Variants in NCOA1 observed in about 807,000 individuals in gnomAD.
NCOA1 encodes nuclear receptor coactivator 1, also known as Hin-2 protein.
A neutral mutation model predicts 150.9 loss-of-function variants in NCOA1; 35 were observed. That is an observed-to-expected ratio of 0.23 (90% CI 0.18 to 0.31). The LOEUF (loss-of-function observed/expected upper bound fraction) is 0.31. NCOA1 is among the 10% of genes least tolerant of loss of function. The pLI is 1.00. For missense variants in NCOA1, 1,491 were observed against 1,749.3 expected, an observed-to-expected ratio of 0.85 and a Z score of 2.63; for synonymous variants, 590 against 630.0, an observed-to-expected ratio of 0.94 and a Z score of 0.95.
chr2:24,707,681 T>G lies in NCOA1; in HGVS notation c.2211T>G (p.Ala737=), dbSNP rs1367361110. Reference sequence around the variant, plus strand: ...CCAGTATAAAACTAGAACTGGATGCTTCAAAGAAAAAAGAATCAAAAGACC... The same window carrying G: ...CCAGTATAAAACTAGAACTGGATGCGTCAAAGAAAAAAGAATCAAAAGACC... ...GNSSIKLELD[A]SKKKESKDHQ... is the part of the protein sequence containing the mutation. The change falls in exon 13 of 23, where the codon GCT becomes GCG. Residue 737 remains alanine (A), a synonymous_variant. Coordinates refer to ENST00000348332, the MANE Select transcript of NCOA1 (RefSeq NM_003743.5). The G allele has an allele frequency of 6.2e-7, 1 of 1,614,024 alleles. No homozygotes were observed.
At chr2:24,644,576 T>C (rs1670376058) in intron 4 of NCOA1, among the ~76,000 whole-genome samples, 1 of 152,160 alleles carries the variant, frequency 6.6e-6, no homozygotes, top group South Asian at 2.1e-4. Context: ...GTAGTGTCCA[T>C]ATGGGCATTT....
At chr2:24,767,862 T>C (rs1665146865) in intron 22 of NCOA1, 1 of 489,642 alleles carries the variant, frequency 2.0e-6, no homozygotes, top group Admixed American at 3.6e-5. Flanking sequence ...TTTAAACCAG[T>C]TTTCTAAATA....
chr2:24,665,985 T>TTTA (rs142101398), intron 6 of NCOA1, 70 bp downstream of exon 6: 15,901 of 792,276 alleles, frequency 0.02, 275 homozygotes, highest in Non-Finnish European at 0.022. Context: ...GTGATTTTAC[T>TTTA]TTATTATTAT....
intron 6 of NCOA1, among the ~76,000 whole-genome samples, chr2:24,666,632 A>C (rs1572563999): frequency 8.2e-6 from 1 of 122,322 alleles, no homozygotes. Flanking sequence ...CTCTGAAAAA[A>C]CCCGGATTTT....
chr2:24,511,427 C>G (rs1361166763), intron 1 of NCOA1, among the ~76,000 whole-genome samples: 5 of 152,202 alleles, frequency 3.3e-5, no homozygotes, highest in Non-Finnish European at 7.3e-5. Flanking sequence ...TCTCCACATT[C>G]TCCAGTGAAG....
intron 7 of NCOA1, chr2:24,676,424 C>T (rs1238246816): frequency 6.6e-6 from 1 of 152,286 alleles, no homozygotes; most frequent in East Asian, 1.9e-4. Flanking sequence ...TTCAGCTGAA[C>T]CCAACTTATA....
intron 4 of NCOA1, among the ~76,000 whole-genome samples, chr2:24,648,630 T>C (rs1670581710): frequency 6.6e-6 from 1 of 152,196 alleles, no homozygotes; most frequent in South Asian, 2.1e-4. Flanking sequence ...GACCCTGAAG[T>C]TAACCGGAGG....
intron 1 of NCOA1, among the ~76,000 whole-genome samples, chr2:24,527,530 A>G (rs1664701021): frequency 6.6e-6 from 1 of 152,188 alleles, no homozygotes. Flanking sequence ...GTGTATATAT[A>G]TGTACACCAC....
intron 3 of NCOA1, among the ~76,000 whole-genome samples, chr2:24,592,755 A>G (rs749046): frequency 0.15 from 22,538 of 151,858 alleles, 2,028 homozygotes; most frequent in Non-Finnish European, 0.2. Context: ...TGTTATAACA[A>G]TTCTTTCATT....
At chr2:24,670,196 A>G (rs1395635854) in intron 6 of NCOA1, among the ~76,000 whole-genome samples, 2 of 152,192 alleles carry the variant, frequency 1.3e-5, no homozygotes, top group African/African-American at 4.8e-5. Context: ...AGCCACACAT[A>G]CTTCTGATGG....
At chr2:24,683,204 T>C in intron 8 of NCOA1, 76 bp downstream of exon 8, 1 of 818,282 alleles carries the variant, frequency 1.2e-6, no homozygotes, top group Non-Finnish European at 1.7e-6. Context: ...TAATATGTGA[T>C]TATTATATTT....
rs1183405187 is a variant in NCOA1 at position 24,576,149 on chromosome 2, G to GTTTTTTTTTTTTTTTTTTTTTTTT, written c.-259-8314_-259-8313insTTTTTTTTTTTTTTTTTTTTTTTT. ...GAGTTTCAGAAATTATTTGGCCTTT[G>GTTTTTTTTTTTTTTTTTTTTTTTT]TTTTTTTTTTTTTGTTTTTTGTTTT... On this transcript the variant is annotated intron_variant, in intron 2 of 22. Coordinates refer to ENST00000348332, the MANE Select transcript of NCOA1 (RefSeq NM_003743.5). Among the ~76,000 whole-genome samples the GTTTTTTTTTTTTTTTTTTTTTTTT allele has an allele frequency of 3.3e-4, 31 of 94,002 alleles. 2 individuals are homozygous for GTTTTTTTTTTTTTTTTTTTTTTTT. The highest frequency in any genetic ancestry group is 8.5e-4 in the East Asian group (3 of 3,530). 61.7% of individuals were successfully genotyped at this position (94,002 alleles called of 152,430 possible). A position where few individuals can be genotyped will look rare whatever the true frequency, so the allele number is the denominator to read the frequency against.
chr2:24,602,655 TAAA>T (rs942302129), intron 3 of NCOA1, among the ~76,000 whole-genome samples: 2 of 152,056 alleles, frequency 1.3e-5, no homozygotes, highest in African/African-American at 4.8e-5. Context: ...TATTTTTAAA[TAAA>T]ATAAATATTA....
rs376149272 is a variant in NCOA1, at chr2:24,597,885, C to T, written c.-175+13325C>T. On this transcript the variant is annotated intron_variant, in intron 3 of 22. Coordinates refer to ENST00000348332, the MANE Select transcript of NCOA1 (RefSeq NM_003743.5). ...TATTGGTGTGCTGCACCCATTAACT[C>T]GTCATTTACATTGGGTATATCTCCT... Among the ~76,000 whole-genome samples the T allele has an allele frequency of 1.7e-4, 26 of 152,136 alleles. No individual in the cohort carries two copies. In the East Asian group the frequency reaches 3.7e-3, roughly 21 times the overall value.
intron 3 of NCOA1, among the ~76,000 whole-genome samples, chr2:24,639,582 T>C (rs1031094438): frequency 2.0e-5 from 3 of 152,196 alleles, no homozygotes; most frequent in East Asian, 1.9e-4. Flanking sequence ...TTTTAAACTT[T>C]TTAAAAATAT....
chr2:24,646,133 C>T (rs1572536823), intron 4 of NCOA1, among the ~76,000 whole-genome samples: 1 of 152,166 alleles, frequency 6.6e-6, no homozygotes, highest in Admixed American at 6.5e-5. Context: ...TTTTCTATTT[C>T]TTCTTAACAT....
intron 1 of NCOA1, among the ~76,000 whole-genome samples, chr2:24,504,747 A>C (rs1020626520): frequency 2.0e-5 from 3 of 152,174 alleles, no homozygotes; most frequent in African/African-American, 7.2e-5. Flanking sequence ...ACAGAAAGTG[A>C]ATATTTGGCT....
At chr2:24,679,226 G>A (rs1572580724) in intron 7 of NCOA1, among the ~76,000 whole-genome samples, 2 of 152,324 alleles carry the variant, frequency 1.3e-5, no homozygotes, top group Admixed American at 1.3e-4. Flanking sequence ...TCTGTATGCA[G>A]TACAACATAA....
chr2:24,510,156 T>A (rs965816891), intron 1 of NCOA1, among the ~76,000 whole-genome samples: 1 of 152,184 alleles, frequency 6.6e-6, no homozygotes, highest in Non-Finnish European at 1.5e-5. Context: ...TTCAAGTGAT[T>A]CTCCTGCCTC....
Sources: gnomAD v4.1 joint callset for allele counts (sites outside exome capture counted in the v4.1 genomes callset) on GRCh38, gnomAD v4.1.1 for gene constraint, MANE v1.5 for transcripts, NCBI Gene and HGNC (gene_info 2026-07-23, HGNC 2026-07-21) for gene names.